ADGRB3: variants seen among roughly 807,000 people sequenced by gnomAD.
ADGRB3 encodes adhesion G protein-coupled receptor B3.
A neutral mutation model predicts 193.4 loss-of-function variants in ADGRB3; 37 were observed. That is an observed-to-expected ratio of 0.19 (90% confidence interval 0.15 to 0.25). The LOEUF (loss-of-function observed/expected upper bound fraction) is 0.25, where lower values mean the gene tolerates loss of function less well. ADGRB3 is among the 10% of genes least tolerant of loss of function. The pLI is 1.00. For synonymous variants in ADGRB3, 690 were observed against 644.2 expected (o/e 1.07, Z -1.08); for missense variants, 1,637 against 1,852.9 (o/e 0.88, Z 2.14).
rs200295132 is a variant in ADGRB3, at chr6:69,278,477, T to TC, written c.2814+39258dup. Among the ~76,000 whole-genome samples, 1,269 of 152,202 alleles carry TC rather than the reference T, an allele frequency of 8.3e-3. 10 individuals are homozygous for TC. The highest frequency in any genetic ancestry group is 0.013 in the Non-Finnish European group (877 of 68,016). On this transcript the variant is annotated intron_variant, in intron 20 of 31. Coordinates refer to ENST00000370598, the MANE Select transcript of ADGRB3 (RefSeq NM_001704.3). ...ATTCCTCTGTTATCTTGTACATTAT[T>TC]CCCCCCCATTGTTTATGATATTTTC...
At chr6:68,931,134 A>T (rs1425183168) in intron 4 of ADGRB3, among the ~76,000 whole-genome samples, 1 of 151,972 alleles carries the variant, frequency 6.6e-6, no homozygotes, top group African/African-American at 2.4e-5. Flanking sequence ...ACTTTTAAAA[A>T]ATTTAATAAT....
At chr6:68,801,519 C>T (rs1039985322) in intron 3 of ADGRB3, among the ~76,000 whole-genome samples, 1 of 151,868 alleles carries the variant, frequency 6.6e-6, no homozygotes, top group African/African-American at 2.4e-5. Context: ...GAAACCCCAT[C>T]TCTACTAAAA....
At chr6:69,123,962 A>C in intron 17 of ADGRB3, among the ~76,000 whole-genome samples, 1 of 152,198 alleles carries the variant, frequency 6.6e-6, no homozygotes, top group Admixed American at 6.5e-5. Context: ...GCTTCTTTAC[A>C]AATATCTCTT....
At chr6:68,779,747 A>G (rs1348123690) in intron 3 of ADGRB3, among the ~76,000 whole-genome samples, 6 of 152,100 alleles carry the variant, frequency 3.9e-5, no homozygotes, top group Non-Finnish European at 8.8e-5. Context: ...GTCACACAGC[A>G]TTTATTCATG....
chr6:68,663,258 G>A (rs1360578133), intron 3 of ADGRB3, among the ~76,000 whole-genome samples: 1 of 151,398 alleles, frequency 6.6e-6, no homozygotes, highest in Non-Finnish European at 1.5e-5. Flanking sequence ...TTAGTACTCT[G>A]CTCCATTAGA....
chr6:68,727,752 G>A (rs1765699758), intron 3 of ADGRB3, among the ~76,000 whole-genome samples: 1 of 151,286 alleles, frequency 6.6e-6, no homozygotes, highest in African/African-American at 2.4e-5. Flanking sequence ...GGCCTTTCTT[G>A]AAAATCCAAA....
intron 26 of ADGRB3, among the ~76,000 whole-genome samples, chr6:69,340,499 C>CA (rs1020104044): frequency 4.6e-5 from 7 of 151,830 alleles, no homozygotes; most frequent in African/African-American, 9.7e-5. Flanking sequence ...GTGCACATTG[C>CA]AAAAAAACAC....
intron 27 of ADGRB3, among the ~76,000 whole-genome samples, chr6:69,354,536 G>C (rs1190563103): frequency 6.6e-6 from 1 of 152,170 alleles, no homozygotes; most frequent in East Asian, 1.9e-4. Flanking sequence ...CTGGGGTGTT[G>C]AGTGTGGGAG....
At chr6:68,822,960 A>C (rs2127380861) in intron 3 of ADGRB3, among the ~76,000 whole-genome samples, 1 of 152,164 alleles carries the variant, frequency 6.6e-6, no homozygotes, top group Non-Finnish European at 1.5e-5. Context: ...CTAGGAATGT[A>C]GATGGCAGAA....
intron 3 of ADGRB3, among the ~76,000 whole-genome samples, chr6:68,823,275 TTGAA>T (rs1767780155): frequency 6.6e-6 from 1 of 152,006 alleles, no homozygotes; most frequent in African/African-American, 2.4e-5. Flanking sequence ...TTTTTATATT[TTGAA>T]TGAGAAAACA....
At chr6:69,254,780 A>G (rs897276205) in intron 20 of ADGRB3, among the ~76,000 whole-genome samples, 33 of 151,434 alleles carry the variant, frequency 2.2e-4, no homozygotes, top group Middle Eastern at 3.4e-3. Context: ...ATATGTATAC[A>G]TGTGCCATGC....
At chr6:69,023,237 G>A (rs1004028522) in intron 13 of ADGRB3, among the ~76,000 whole-genome samples, 46 of 152,070 alleles carry the variant, frequency 3.0e-4, no homozygotes, top group Non-Finnish European at 5.9e-5. Context: ...CAAGAAAATT[G>A]CGGTCTAGTT....
chr6:69,122,321 C>T (rs183870527), intron 17 of ADGRB3, among the ~76,000 whole-genome samples: 35 of 151,596 alleles, frequency 2.3e-4, no homozygotes, highest in South Asian at 4.2e-4. Flanking sequence ...TGGTGGCACG[C>T]GCCTGTAATC....
At chr6:69,354,522 C>T (rs1177201688) in intron 27 of ADGRB3, among the ~76,000 whole-genome samples, 194 bp downstream of exon 27, 2 of 152,142 alleles carry the variant, frequency 1.3e-5, no homozygotes, top group Non-Finnish European at 2.9e-5. Flanking sequence ...ATGTTGTTGG[C>T]TCCCTGGGGT....
intron 17 of ADGRB3, among the ~76,000 whole-genome samples, chr6:69,160,019 C>T (rs1158780519): frequency 6.6e-6 from 1 of 152,066 alleles, no homozygotes; most frequent in Non-Finnish European, 1.5e-5. Flanking sequence ...AATTTAATCC[C>T]TTCTTAATAC....
intron 20 of ADGRB3, among the ~76,000 whole-genome samples, chr6:69,303,159 T>G (rs543594946): frequency 3.3e-5 from 5 of 152,006 alleles, no homozygotes; most frequent in Admixed American, 3.3e-4. Flanking sequence ...TGGCAGAAAG[T>G]TTCGATTATT....
At chr6:69,151,424 C>T (rs1451006687) in intron 17 of ADGRB3, among the ~76,000 whole-genome samples, 1 of 152,182 alleles carries the variant, frequency 6.6e-6, no homozygotes, top group East Asian at 1.9e-4. Flanking sequence ...GCTCCCCCAT[C>T]CCCAAGCATA....
intron 20 of ADGRB3, among the ~76,000 whole-genome samples, chr6:69,254,000 G>A (rs1255708251): frequency 6.6e-6 from 1 of 152,110 alleles, no homozygotes; most frequent in Non-Finnish European, 1.5e-5. Flanking sequence ...CTTCCAGGCA[G>A]TCAGAAGCTT....
At chr6:69,266,673 C>A (rs1002426197) in intron 20 of ADGRB3, among the ~76,000 whole-genome samples, 1 of 151,988 alleles carries the variant, frequency 6.6e-6, no homozygotes, top group African/African-American at 2.4e-5. Flanking sequence ...TACACACATA[C>A]ATACACACAA....
Sources: allele counts gnomAD v4.1 joint callset (sites outside exome capture counted in the v4.1 genomes callset), GRCh38; gene constraint gnomAD v4.1.1; transcripts MANE v1.5; gene names NCBI Gene and HGNC (gene_info 2026-07-23, HGNC 2026-07-21).